The following RIC8B variants were observed in gnomAD, a reference collection of about 807,000 sequenced individuals.
RIC8B encodes the protein RIC8 guanine nucleotide exchange factor B.
In RIC8B, 16 loss-of-function variants were observed where a neutral mutation model predicts 57.5. The observed-to-expected ratio is 0.28, with a 90% CI of 0.19 to 0.42. The LOEUF (loss-of-function observed/expected upper bound fraction) is 0.42, where lower values mean the gene tolerates loss of function less well. Ranked by LOEUF, RIC8B falls within the 10% of genes least tolerant of loss-of-function variation. RIC8B has a pLI of 1.00. For missense variants in RIC8B, 481 were observed against 677.0 expected (o/e 0.71, Z 3.21); for synonymous variants, 216 against 250.8 (o/e 0.86, Z 1.31).
intron 2 of RIC8B, among the ~76,000 whole-genome samples, chr12:106,792,984 A>G (rs1190411666): frequency 6.6e-6 from 1 of 152,176 alleles, no homozygotes; most frequent in Non-Finnish European, 1.5e-5. Flanking sequence ...ATGGAATGTC[A>G]GCATTTCTCA....
intron 7 of RIC8B, among the ~76,000 whole-genome samples, chr12:106,856,926 A>C (rs1194613279): frequency 6.6e-6 from 1 of 152,186 alleles, no homozygotes; most frequent in Non-Finnish European, 1.5e-5. Context: ...GGAAGAGGGA[A>C]TGCTTGGGCG....
In RIC8B at chr12:106,879,547, G is replaced by C; in HGVS notation, c.1572-6357G>C. 1 of 984,186 alleles carries C rather than the reference G, an allele frequency of 1.0e-6. No homozygotes were observed. Among genetic ancestry groups the C allele is most frequent in the African/African-American group, 1.7e-5 (1 of 57,216 alleles). The allele number at this position is 984,186 out of a possible 1,614,324, so 61.0% of individuals were successfully genotyped here. A position where few individuals can be genotyped will look rare whatever the true frequency, so the allele number is the denominator to read the frequency against. The stretch of plus-strand genomic sequence containing the variant: ...AAAATATATCTGGAAAAAAAAAACA[G>C]ACCAGAATATTTTAAATATGGTGTA... On this transcript the variant is annotated intron_variant, in intron 9 of 9. Coordinates refer to ENST00000392837, the MANE Select transcript of RIC8B (RefSeq NM_001330145.2). The surrounding 1 kb of genome is among the most constrained non-coding windows in gnomAD (Gnocchi z 4.9).
Position 106,860,273 on chromosome 12 carries a change from A to T in RIC8B, c.1312A>T (p.Ser438Cys), listed in dbSNP as rs1206558757. Residue 438 changes from serine to cysteine, a missense_variant, in exon 8 of 10, where the codon AGT (serine) becomes TGT (cysteine). By Grantham distance (112) the Ser-to-Cys change is moderately radical. This residue lies in a region of RIC8B where 421 missense variants were observed against 560.9 expected (regional missense o/e 0.75). Transcript: ENST00000392837. ...LFVLCKERVD[S>C]LLKYTGYGNA... Reference sequence around the variant, plus strand: ...ACCCTATTCTGTTTTTGCAGTGGATAGTCTGCTGAAATACACTGGCTATGG... The same window carrying T: ...ACCCTATTCTGTTTTTGCAGTGGATTGTCTGCTGAAATACACTGGCTATGG... 1 of 1,582,034 alleles carries T rather than the reference A, an allele frequency of 6.3e-7. No homozygotes were observed. The highest frequency in any genetic ancestry group is 1.4e-5 in the African/African-American group (1 of 72,990).
rs955250606 is a variant in RIC8B at position 106,879,397 on chromosome 12, A to G, written c.1572-6507A>G. Reference sequence around the variant, plus strand: ...TTTTGCACTGTCATTTTTGGGGGAAAGAGTCATATAGGAACCAGAAGCCCT... The same window carrying G: ...TTTTGCACTGTCATTTTTGGGGGAAGGAGTCATATAGGAACCAGAAGCCCT... On this transcript the variant is annotated intron_variant, in intron 9 of 9. Coordinates refer to ENST00000392837, the MANE Select transcript of RIC8B (RefSeq NM_001330145.2). This position sits in a 1 kb window ranked among gnomAD's most constrained non-coding sequence, Gnocchi z 4.9. 2 of 984,826 alleles carry G rather than the reference A, an allele frequency of 2.0e-6. No homozygotes were observed. Among genetic ancestry groups the G allele is most frequent in the African/African-American group, 1.7e-5 (1 of 57,194 alleles). The allele number at this position is 984,826 out of a possible 1,614,324, so 61.0% of individuals were successfully genotyped here. A position where few individuals can be genotyped will look rare whatever the true frequency, so the allele number is the denominator to read the frequency against.
At position 106,842,620 on chromosome 12, in the gene RIC8B, G is replaced by A; in HGVS notation, c.868G>A (p.Val290Ile). ...AGTCAACCTTTTAAGCAATGTTCCA[G>A]TCTCTTGTTTGGATGTTCTCATTTG... ...NAVNLLSNVP[V>I]SCLDVLICPL... Residue 290 changes from valine (V) to isoleucine (I), a missense_variant, in exon 5 of 10, where the codon GTC (valine) becomes ATC (isoleucine). Physicochemically the swap from Val to Ile is conservative, Grantham distance 29. This residue lies in a region of RIC8B where 421 missense variants were observed against 560.9 expected (regional missense o/e 0.75). Coordinates refer to ENST00000392837, the MANE Select transcript of RIC8B (RefSeq NM_001330145.2). 3.1e-6 allele frequency: 5 copies of A among 1,613,764 alleles called. No individual in the cohort carries two copies. Among genetic ancestry groups the A allele is most frequent in the Non-Finnish European group, 4.2e-6 (5 of 1,179,822 alleles).
At chr12:106,855,608 C>T (rs1406178234) in intron 7 of RIC8B, among the ~76,000 whole-genome samples, 1 of 152,196 alleles carries the variant, frequency 6.6e-6, no homozygotes, top group Non-Finnish European at 1.5e-5. Flanking sequence ...TTGTCCACTT[C>T]CTTTGTTTGT....
At chr12:106,865,803 G>A (rs1409645150) in intron 8 of RIC8B, among the ~76,000 whole-genome samples, 2 of 152,104 alleles carry the variant, frequency 1.3e-5, no homozygotes, top group African/African-American at 4.8e-5. Context: ...CCTCGCAGTG[G>A]TATACTTGCA....
chr12:106,855,324 T>C (rs962700144), intron 7 of RIC8B, among the ~76,000 whole-genome samples: 11 of 152,188 alleles, frequency 7.2e-5, no homozygotes, highest in Non-Finnish European at 1.3e-4. Flanking sequence ...GAAGTGTTGC[T>C]CCATCACTCA....
chr12:106,848,704 A>C (rs999162642), intron 6 of RIC8B, among the ~76,000 whole-genome samples: 2 of 152,168 alleles, frequency 1.3e-5, no homozygotes, highest in Non-Finnish European at 2.9e-5. Context: ...GAATGGACCT[A>C]CCATTTAATG....
intron 2 of RIC8B, among the ~76,000 whole-genome samples, chr12:106,785,257 T>C (rs2043951587): frequency 6.6e-6 from 1 of 152,206 alleles, no homozygotes; most frequent in Non-Finnish European, 1.5e-5. Flanking sequence ...TGTTTCTTGC[T>C]TACTACTTTT....
chr12:106,784,406 C>T (rs914272157), intron 2 of RIC8B, among the ~76,000 whole-genome samples: 2 of 152,194 alleles, frequency 1.3e-5, no homozygotes, highest in East Asian at 1.9e-4. Context: ...GGCAAGGTCT[C>T]GCTCTATCAC....
chr12:106,833,066 C>T (rs2046425783), intron 4 of RIC8B, among the ~76,000 whole-genome samples: 1 of 152,098 alleles, frequency 6.6e-6, no homozygotes, highest in Admixed American at 6.6e-5. Flanking sequence ...TCTTCCCTTC[C>T]ATTCACAGCT....
chr12:106,801,450 C>T (rs2044727380), intron 2 of RIC8B, among the ~76,000 whole-genome samples: 1 of 152,054 alleles, frequency 6.6e-6, no homozygotes, highest in Admixed American at 6.6e-5. Flanking sequence ...TGATATATAA[C>T]ATAACATTGA....
chr12:106,786,962 T>TAACATTTGGCTCCTCA (rs2044058322), intron 2 of RIC8B, among the ~76,000 whole-genome samples: 1 of 152,174 alleles, frequency 6.6e-6, no homozygotes, highest in African/African-American at 2.4e-5. Flanking sequence ...TGGTAGTGCT[T>TAACATTTGGCTCCTCA]TTACTGGTAA....
rs1233258669 is a variant in RIC8B, at chr12:106,879,303, GT to G, written c.1572-6597del. ...CTCTTGCTTTCAGGTCAAGTAAAGT[GT>G]TTTATACACATACACGTCTGACCTA... On this transcript the variant is annotated intron_variant, in intron 9 of 9. Coordinates refer to ENST00000392837, the MANE Select transcript of RIC8B (RefSeq NM_001330145.2). This position sits in a 1 kb window ranked among gnomAD's most constrained non-coding sequence, Gnocchi z 4.9. 3 of 985,196 alleles carry G rather than the reference GT, an allele frequency of 3.0e-6. No homozygotes were observed. Among genetic ancestry groups the G allele is most frequent in the Non-Finnish European group, 3.6e-6 (3 of 829,900 alleles). 61.0% of individuals were successfully genotyped at this position (985,196 alleles called of 1,614,324 possible).
Position 106,879,873 on chromosome 12 carries a change from T to A in RIC8B, c.1572-6031T>A, listed in dbSNP as rs962675987. 2 of 985,306 alleles carry A rather than the reference T, an allele frequency of 2.0e-6. No individual in the cohort carries two copies. Among genetic ancestry groups the A allele is most frequent in the South Asian group, 4.7e-5 (1 of 21,294 alleles). 61.0% of individuals were successfully genotyped at this position (985,306 alleles called of 1,614,324 possible). A position where few individuals can be genotyped will look rare whatever the true frequency, so the allele number is the denominator to read the frequency against. ...CACAGTGCCTAGAATGGGCTCTTTA[T>A]CCAGTAGACACCACTGTACTTTTTG... is the stretch of plus-strand genomic sequence containing the variant. On this transcript the variant is annotated intron_variant, in intron 9 of 9. Coordinates refer to ENST00000392837, the MANE Select transcript of RIC8B (RefSeq NM_001330145.2). The surrounding 1 kb of genome is among the most constrained non-coding windows in gnomAD (Gnocchi z 4.9).
chr12:106,819,780 T>C (rs1172872148), intron 3 of RIC8B, among the ~76,000 whole-genome samples: 1 of 147,572 alleles, frequency 6.8e-6, no homozygotes, highest in Non-Finnish European at 1.5e-5. Context: ...CATAAGTATA[T>C]AATATATAAG....
intron 2 of RIC8B, among the ~76,000 whole-genome samples, chr12:106,808,044 C>T (rs567959164): frequency 2.8e-4 from 42 of 148,948 alleles, no homozygotes; most frequent in African/African-American, 9.9e-4. Context: ...GAGATCGCAC[C>T]ACTGTACTCC....
intron 9 of RIC8B, among the ~76,000 whole-genome samples, chr12:106,874,139 G>C (rs147785364): frequency 1.4e-3 from 218 of 152,256 alleles, no homozygotes; most frequent in Non-Finnish European, 2.6e-3. Context: ...ATTTTAAAAA[G>C]TGAGACTAGA....
Sources: allele counts gnomAD v4.1 joint callset (sites outside exome capture counted in the v4.1 genomes callset), GRCh38; gene constraint gnomAD v4.1.1; regional missense constraint gnomAD v4.1.1; non-coding constraint Gnocchi (gnomAD v3.1); transcripts MANE v1.5; gene names NCBI Gene and HGNC (gene_info 2026-07-23, HGNC 2026-07-21).